Variants in CFAP144 observed in about 807,000 individuals in gnomAD.
CFAP144 encodes cilia and flagella associated protein 144, also known as cilia- and flagella-associated protein 144.
chr1:43,147,863 A>G, the CFAP144 span: 3 of 1,563,176 alleles, frequency 1.9e-6, no homozygotes, highest in Non-Finnish European at 2.6e-6. Flanking sequence ...CCTGGAGACC[A>G]CGGGACGCCG....
At chr1:43,156,203 T>C in the CFAP144 span, 1 of 1,613,594 alleles carries the variant, frequency 6.2e-7, no homozygotes, top group Non-Finnish European at 8.5e-7. Flanking sequence ...TCCTCCTTTC[T>C]AGATCAACCC....
the CFAP144 span, among the ~76,000 whole-genome samples, chr1:43,143,623 G>T: frequency 6.6e-6 from 1 of 152,152 alleles, no homozygotes; most frequent in Non-Finnish European, 1.5e-5. Flanking sequence ...GGCATCTCTG[G>T]TAGTGAGCAA....
At chr1:43,146,782 A>G in the CFAP144 span, among the ~76,000 whole-genome samples, 16 of 152,354 alleles carry the variant, frequency 1.1e-4, no homozygotes, top group East Asian at 3.1e-3. Flanking sequence ...CACAGTCTTC[A>G]GACAGTATTT....
At chr1:43,152,415 G>A in the CFAP144 span, among the ~76,000 whole-genome samples, 81 of 152,206 alleles carry the variant, frequency 5.3e-4, no homozygotes, top group Non-Finnish European at 4.4e-4. Flanking sequence ...CAACCAGAGA[G>A]GCCTTCTCTC....
the CFAP144 span, chr1:43,147,794 G>T: frequency 6.7e-7 from 1 of 1,487,710 alleles, no homozygotes; most frequent in Non-Finnish European, 8.9e-7. Context: ...TGCAGGCAGG[G>T]TAAGGGGCTG....
chr1:43,147,757 C>T, the CFAP144 span: 52 of 1,439,414 alleles, frequency 3.6e-5, no homozygotes, highest in Non-Finnish European at 4.7e-5. Context: ...AAATAAGATC[C>T]CGACCGGCGG....
At chr1:43,143,023 A>T in the CFAP144 span, among the ~76,000 whole-genome samples, 2 of 152,100 alleles carry the variant, frequency 1.3e-5, no homozygotes, top group Non-Finnish European at 2.9e-5. Flanking sequence ...ACTGCATGTC[A>T]CAGGGGTTTA....
the CFAP144 span, chr1:43,156,333 A>G: frequency 1.3e-6 from 2 of 1,567,864 alleles, no homozygotes; most frequent in Non-Finnish European, 1.8e-6. Flanking sequence ...GGATGAGCCC[A>G]TCTGTGGATC....
chr1:43,148,471 G>A, the CFAP144 span, among the ~76,000 whole-genome samples: 2 of 152,062 alleles, frequency 1.3e-5, no homozygotes, highest in Admixed American at 6.5e-5. Context: ...GTTCTGGGGT[G>A]CCCCCTGATA....
the CFAP144 span, among the ~76,000 whole-genome samples, chr1:43,151,594 C>G: frequency 6.6e-6 from 1 of 152,258 alleles, no homozygotes; most frequent in African/African-American, 2.4e-5. Context: ...AGAAACATGA[C>G]TACAAGTAGT....
the CFAP144 span, chr1:43,152,727 A>C: frequency 7.7e-7 from 1 of 1,294,520 alleles, no homozygotes; most frequent in Non-Finnish European, 1.0e-6. Context: ...CAAGGCACAG[A>C]TGCTCTGCCT....
chr1:43,155,774 C>T, the CFAP144 span, among the ~76,000 whole-genome samples: 7 of 152,236 alleles, frequency 4.6e-5, no homozygotes, highest in African/African-American at 1.7e-4. Context: ...ACTCAATGAC[C>T]ATCATTCAGC....
At chr1:43,149,417 C>G in the CFAP144 span, among the ~76,000 whole-genome samples, 12 of 152,232 alleles carry the variant, frequency 7.9e-5, no homozygotes, top group Non-Finnish European at 1.8e-4. Context: ...TCCCACTTTA[C>G]CTGCATAAAC....
chr1:43,148,150 C>G, the CFAP144 span: 9 of 1,451,426 alleles, frequency 6.2e-6, no homozygotes, highest in South Asian at 1.2e-5. Context: ...AGGAGCCCTC[C>G]GGGTTGCGGG....
chr1:43,152,992 C>T, the CFAP144 span: 33 of 1,550,058 alleles, frequency 2.1e-5, no homozygotes, highest in East Asian at 1.2e-4. Flanking sequence ...AAGTGGTGAC[C>T]GTAGAATAGA....
chr1:43,154,320 T>G, the CFAP144 span, among the ~76,000 whole-genome samples: 2 of 144,824 alleles, frequency 1.4e-5, no homozygotes, highest in Non-Finnish European at 3.0e-5. Flanking sequence ...TAAATAAAAA[T>G]TATTTATATA....
At chr1:43,150,802 C>A in the CFAP144 span, 8 of 1,610,054 alleles carry the variant, frequency 5.0e-6, no homozygotes, top group Admixed American at 1.3e-4. Flanking sequence ...GCATGATAAC[C>A]TGGAGGAACC....
At chr1:43,154,100 ACT>A in the CFAP144 span, among the ~76,000 whole-genome samples, 15 of 95,540 alleles carry the variant, frequency 1.6e-4, no homozygotes, top group Admixed American at 2.2e-4. Flanking sequence ...ATATATATAT[ACT>A]CTCTTTTTAT....
At chr1:43,149,195 A>G in the CFAP144 span, among the ~76,000 whole-genome samples, 1 of 152,222 alleles carries the variant, frequency 6.6e-6, no homozygotes, top group African/African-American at 2.4e-5. Flanking sequence ...CCTCTGAGGT[A>G]AAGTTTAAAT....
Sources: allele counts gnomAD v4.1 joint callset (sites outside exome capture counted in the v4.1 genomes callset), GRCh38; gene constraint gnomAD v4.1.1; transcripts MANE v1.5; gene names NCBI Gene and HGNC (gene_info 2026-07-23, HGNC 2026-07-21).